Variants in TNRC18 observed in about 807,000 individuals in gnomAD.
TNRC18 encodes the protein trinucleotide repeat-containing gene 18 protein.
TNRC18 carries 69 observed loss-of-function variants against 226.7 expected under a neutral mutation model. The observed-to-expected ratio is 0.30, with a 90% CI of 0.25 to 0.37. The LOEUF (loss-of-function observed/expected upper bound fraction) is 0.37, where lower values mean the gene tolerates loss of function less well. TNRC18 is among the 10% of genes least tolerant of loss of function. The probability of loss-of-function intolerance (pLI) is 1.00; values close to 1 mark genes in which losing one functional copy is unlikely to be tolerated. For missense variants in TNRC18, 4,754 were observed against 4,256.6 expected, an observed-to-expected ratio of 1.12 and a Z score of -3.25; for synonymous variants, 2,449 against 1,927.6, an observed-to-expected ratio of 1.27 and a Z score of -7.09.
chr7:5,308,094 G>T lies in TNRC18; in HGVS notation c.*12C>A. On this transcript the variant is annotated 3_prime_UTR_variant, in exon 30 of 30. Transcript: ENST00000430969. ...CCCTCGGGGCACAGGTGGCCCGCAG[G>T]GCCCGGCGGGCTCAGCAGAGCACGG... 6.5e-7 allele frequency: 1 copy of T among 1,545,056 alleles called. No homozygotes were observed. The highest frequency in any genetic ancestry group is 8.7e-7 in the Non-Finnish European group (1 of 1,143,744).
Position 5,312,420 on chromosome 7 carries a change from A to C in TNRC18, c.8388+83T>G. ...GGTTCTGGGAGGTTACCACACACGG[A>C]GACACAGCATGAAGCCGTGGGCCCA... is the stretch of plus-strand genomic sequence containing the variant. On this transcript the variant is annotated intron_variant, in intron 27 of 29. Transcript: ENST00000430969. This position sits in a 1 kb window ranked among gnomAD's most constrained non-coding sequence, Gnocchi z 6.3. 1 of 1,524,638 alleles carries C rather than the reference A, an allele frequency of 6.6e-7. No individual in the cohort carries two copies. The highest frequency in any genetic ancestry group is 2.4e-5 in the East Asian group (1 of 42,396). 94.4% of individuals were successfully genotyped at this position (1,524,638 alleles called of 1,614,324 possible).
chr7:5,419,278 G>A (rs945415946), intron 2 of TNRC18, among the ~76,000 whole-genome samples: 1 of 152,226 alleles, frequency 6.6e-6, no homozygotes, highest in African/African-American at 2.4e-5. Flanking sequence ...TTCGCATTAG[G>A]GCACTTTGCC....
chr7:5,404,993 C>A (rs1781368345), intron 2 of TNRC18, among the ~76,000 whole-genome samples: 1 of 152,002 alleles, frequency 6.6e-6, no homozygotes, highest in Non-Finnish European at 1.5e-5. Context: ...CTGCATGCGC[C>A]TGTAGTCCCA....
rs779540633 is a variant in TNRC18 at position 5,421,276 on chromosome 7, C to G, written c.-30G>C. On this transcript the variant is annotated 5_prime_UTR_variant, in exon 2 of 30. Coordinates refer to ENST00000430969, the MANE Select transcript of TNRC18 (RefSeq NM_001080495.3). Reference sequence around the variant, plus strand: ...CGCGGGAGTGCCGCGATCAGCCCCCCACCCGGCCCGCAGGCCTAGCTCAGT... The same window carrying G: ...CGCGGGAGTGCCGCGATCAGCCCCCGACCCGGCCCGCAGGCCTAGCTCAGT... The G allele has an allele frequency of 3.2e-5, 41 of 1,273,374 alleles. No individual in the cohort carries two copies. Among genetic ancestry groups the G allele is most frequent in the Non-Finnish European group, 3.8e-5 (38 of 1,007,646 alleles). 78.9% of individuals were successfully genotyped at this position (1,273,374 alleles called of 1,614,324 possible). A position where few individuals can be genotyped will look rare whatever the true frequency, so the allele number is the denominator to read the frequency against.
At chr7:5,373,674 T>C (rs902912820) in intron 10 of TNRC18, among the ~76,000 whole-genome samples, 2 of 152,108 alleles carry the variant, frequency 1.3e-5, no homozygotes, top group African/African-American at 4.8e-5. Flanking sequence ...GGTGTGTGCA[T>C]GGGACCCACA....
intron 18 of TNRC18, among the ~76,000 whole-genome samples, chr7:5,344,452 T>G (rs953022930): frequency 1.3e-5 from 2 of 151,874 alleles, no homozygotes; most frequent in East Asian, 3.9e-4. Flanking sequence ...CAGCAAACAA[T>G]GGCAGGGCAT....
At chr7:5,419,838 G>A (rs1042159415) in intron 2 of TNRC18, 1 of 152,328 alleles carries the variant, frequency 6.6e-6, no homozygotes, top group Non-Finnish European at 1.5e-5. Flanking sequence ...AAAAATCAAA[G>A]AGAGAGCAAA....
intron 19 of TNRC18, chr7:5,330,090 C>T (rs1032921043): frequency 7.2e-6 from 3 of 417,060 alleles, no homozygotes; most frequent in Non-Finnish European, 1.5e-5. Flanking sequence ...CCCCAACACA[C>T]CCAGCTAATT....
At chr7:5,320,770 C>A in intron 22 of TNRC18, 163 bp from the exon 23 acceptor site, 1 of 664,180 alleles carries the variant, frequency 1.5e-6, no homozygotes, top group South Asian at 1.9e-5. Flanking sequence ...TTTCTGGGTT[C>A]ATTTTCCTCA....
intron 2 of TNRC18, among the ~76,000 whole-genome samples, chr7:5,418,770 G>A (rs1268905345): frequency 6.6e-6 from 1 of 152,252 alleles, no homozygotes. Context: ...AAGAAAACGC[G>A]GGAGGGGGAG....
chr7:5,327,240 A>C (rs528212753), intron 19 of TNRC18, among the ~76,000 whole-genome samples: 2 of 152,388 alleles, frequency 1.3e-5, no homozygotes, highest in Non-Finnish European at 2.9e-5. Flanking sequence ...CAGAAGTCAC[A>C]GCGTCCATAT....
intron 22 of TNRC18, 63 bp from the exon 23 acceptor site, chr7:5,320,670 C>T (rs1391569567): frequency 7.0e-7 from 1 of 1,427,900 alleles, no homozygotes; most frequent in Non-Finnish European, 9.7e-7. Context: ...GCCTCAATCC[C>T]ACCAGCACAG....
At chr7:5,325,621 T>C in intron 19 of TNRC18, 1 of 223,452 alleles carries the variant, frequency 4.5e-6, no homozygotes, top group South Asian at 5.7e-5. Context: ...AGACGGGGTT[T>C]TACCGTGTTT....
intron 2 of TNRC18, among the ~76,000 whole-genome samples, chr7:5,404,295 T>G (rs1362145895): frequency 6.6e-6 from 1 of 151,664 alleles, no homozygotes; most frequent in Non-Finnish European, 1.5e-5. Flanking sequence ...TGCTTGAACC[T>G]GGGAGGCGGA....
Position 5,309,147 on chromosome 7 carries a change from C to G in TNRC18, c.8610G>C (p.Gln2870His). 5 of 1,610,276 alleles carry G rather than the reference C, an allele frequency of 3.1e-6. No homozygotes were observed. Among genetic ancestry groups the G allele is most frequent in the Non-Finnish European group, 3.4e-6 (4 of 1,178,960 alleles). The change falls in exon 28 of 30, where the codon CAG (glutamine) becomes CAC (histidine). Residue 2870 changes from glutamine (Q) to histidine (H), a missense_variant. Gln to His is a conservative substitution (Grantham distance 24). Transcript: ENST00000430969. The surrounding 1 kb of genome is among the most constrained non-coding windows in gnomAD (Gnocchi z 5.7). ...GCAGGCTCACCTGGCCCTGGTGGAA[C>G]TGCTTGCCCGGGCTGGTCTCCTCGG... ...YHPEETSPGKQFHQGQHWDQK... is the reference protein window; with the variant it reads ...YHPEETSPGKHFHQGQHWDQK...
intron 16 of TNRC18, among the ~76,000 whole-genome samples, chr7:5,354,969 A>T (rs1041861611): frequency 2.6e-5 from 4 of 152,212 alleles, no homozygotes; most frequent in Non-Finnish European, 5.9e-5. Flanking sequence ...TTCTCCGCCC[A>T]TGAACCGGCC....
At chr7:5,349,374 A>G (rs879500332) in intron 17 of TNRC18, among the ~76,000 whole-genome samples, 1 of 152,226 alleles carries the variant, frequency 6.6e-6, no homozygotes, top group Non-Finnish European at 1.5e-5. Context: ...GAGGGGGGAA[A>G]AAAGTCCCAT....
rs755320848 is a variant in TNRC18 at position 5,389,215 on chromosome 7, G to C, written c.609C>G (p.Asp203Glu). The C allele has an allele frequency of 7.5e-7, 1 of 1,338,238 alleles. No homozygotes were observed. The highest frequency in any genetic ancestry group is 9.6e-7 in the Non-Finnish European group (1 of 1,046,956). 82.9% of individuals were successfully genotyped at this position (1,338,238 alleles called of 1,614,324 possible). A position where few individuals can be genotyped will look rare whatever the true frequency, so the allele number is the denominator to read the frequency against. The change falls in exon 5 of 30, where the codon GAC (aspartate) becomes GAG (glutamate). Residue 203 changes from aspartate to glutamate, a missense_variant. Physicochemically the swap from Asp to Glu is conservative, Grantham distance 45 (BLOSUM62 2). Coordinates refer to ENST00000430969, the MANE Select transcript of TNRC18 (RefSeq NM_001080495.3). ...GGCCCGCCCGCTCCTTGGCTGGACCGTCCCGCGACGACGAGCCTTTGGCCG... is the reference window on the plus strand; with the variant it reads ...GGCCCGCCCGCTCCTTGGCTGGACCCTCCCGCGACGACGAGCCTTTGGCCG... Reference protein sequence around the residue: ...GAPAKGSSSRDGPAKERAGRG... With the variant: ...GAPAKGSSSREGPAKERAGRG...
chr7:5,379,788 C>T (rs541251331), intron 5 of TNRC18, among the ~76,000 whole-genome samples: 8 of 152,352 alleles, frequency 5.3e-5, no homozygotes, highest in East Asian at 1.9e-4. Context: ...CCGTCGGCTC[C>T]CAGGTGCCAT....
Sources: gnomAD v4.1 joint callset for allele counts (sites outside exome capture counted in the v4.1 genomes callset) on GRCh38, gnomAD v4.1.1 for gene constraint, Gnocchi (gnomAD v3.1) non-coding constraint, MANE v1.5 for transcripts, NCBI Gene and HGNC (gene_info 2026-07-23, HGNC 2026-07-21) for gene names.